The following LARS1 variants were observed in gnomAD, a reference collection of about 807,000 sequenced individuals.
The protein encoded by LARS1 is leucine--tRNA ligase, cytoplasmic.
Under a neutral mutation model 162.8 loss-of-function variants are expected in LARS1, and 100 were observed. The ratio of observed to expected loss-of-function variants is 0.61; its 90% CI spans 0.52 to 0.73. The LOEUF (loss-of-function observed/expected upper bound fraction) is 0.73, where lower values mean the gene tolerates loss of function less well. Ranked by LOEUF, LARS1 falls within the 30% of genes least tolerant of loss-of-function variation. The pLI, the probability that LARS1 is intolerant of heterozygous loss-of-function variation, is 0.00. For synonymous variants in LARS1, 457 were observed against 462.8 expected, an observed-to-expected ratio of 0.99 and a Z score of 0.16; for missense variants, 1,258 against 1,408.9, an observed-to-expected ratio of 0.89 and a Z score of 1.71.
chr5:146,149,293 G>A (rs11948314), intron 15 of LARS1, among the ~76,000 whole-genome samples: 33,826 of 152,028 alleles, frequency 0.22, 4,815 homozygotes, highest in Admixed American at 0.34. Flanking sequence ...AGTTATAACA[G>A]AAACGGAGGG....
chr5:146,134,061 C>T (rs1752406713), intron 22 of LARS1, among the ~76,000 whole-genome samples: 1 of 152,178 alleles, frequency 6.6e-6, no homozygotes, highest in Non-Finnish European at 1.5e-5. Flanking sequence ...TCAGGCTGGT[C>T]TGAAACTCCC....
In LARS1 at chr5:146,152,022, G is replaced by T; in HGVS notation, c.1285-20C>A. 1 of 1,612,974 alleles carries T rather than the reference G, an allele frequency of 6.2e-7. No homozygotes were observed. The highest frequency in any genetic ancestry group is 8.5e-7 in the Non-Finnish European group (1 of 1,179,960). On this transcript the variant is annotated intron_variant, in intron 13 of 31. Transcript: ENST00000394434. The stretch of plus-strand genomic sequence containing the variant: ...TGGCACCTGCAGCAAACAGCAATCA[G>T]GAACGTGTTCACACTGACTGGACAC...
intron 18 of LARS1, among the ~76,000 whole-genome samples, 181 bp downstream of exon 18, chr5:146,144,086 T>C (rs554795404): frequency 6.6e-6 from 1 of 152,306 alleles, no homozygotes; most frequent in East Asian, 1.9e-4. Context: ...AGAGAGGGCA[T>C]ATTTCTACCA....
intron 4 of LARS1, among the ~76,000 whole-genome samples, chr5:146,171,250 G>A (rs2962510): frequency 0.62 from 93,329 of 151,638 alleles, 29,138 homozygotes; most frequent in Middle Eastern, 0.79. Context: ...CCAGCTACTC[G>A]GGAGGTTGAG....
At chr5:146,158,344 C>A (rs1753622830) in intron 8 of LARS1, among the ~76,000 whole-genome samples, 2 of 152,164 alleles carry the variant, frequency 1.3e-5, no homozygotes, top group Non-Finnish European at 2.9e-5. Flanking sequence ...TTTACTGGGT[C>A]TTAAGTCTCT....
intron 1 of LARS1, 128 bp downstream of exon 1, chr5:146,182,360 A>G (rs1754908993): frequency 8.0e-7 from 1 of 1,249,832 alleles, no homozygotes; most frequent in Non-Finnish European, 1.2e-6. Flanking sequence ...AGTCTCTACG[A>G]AAGGCACGCC....
At chr5:146,182,377 G>T in intron 1 of LARS1, 111 bp downstream of exon 1, 1 of 1,415,256 alleles carries the variant, frequency 7.1e-7, no homozygotes, top group Non-Finnish European at 1.0e-6. Flanking sequence ...CGCCTTAAGC[G>T]TGGCTCTCTT....
intron 27 of LARS1, 133 bp from the exon 28 acceptor site, chr5:146,126,678 A>G: frequency 1.7e-6 from 1 of 598,416 alleles, no homozygotes; most frequent in Admixed American, 2.9e-5. Context: ...GTCCAGCCCT[A>G]GCATCACGGG....
At chr5:146,167,476 T>C (rs1754061637) in intron 5 of LARS1, among the ~76,000 whole-genome samples, 1 of 151,958 alleles carries the variant, frequency 6.6e-6, no homozygotes, top group Admixed American at 6.6e-5. Context: ...TGATCTGGGC[T>C]CACTGCAAGC....
rs1257143529 is a variant in LARS1, at chr5:146,140,201, T to C, written c.2148+3A>G. On this transcript the variant is annotated splice_donor_region_variant and intron_variant, in intron 21 of 31. Coordinates refer to ENST00000394434, the MANE Select transcript of LARS1 (RefSeq NM_020117.11). ...TAAACTTTTAAGATGCAATAAGCCTTACCTTCTCAGAGTTCAGGAGGAGAT... is the reference window on the plus strand; with the variant it reads ...TAAACTTTTAAGATGCAATAAGCCTCACCTTCTCAGAGTTCAGGAGGAGAT... 1.2e-6 allele frequency: 2 copies of C among 1,609,904 alleles called. No individual in the cohort carries two copies. The highest frequency in any genetic ancestry group is 3.3e-5 in the Admixed American group (2 of 59,980).
At chr5:146,142,683 G>A in intron 20 of LARS1, 189 bp downstream of exon 20, 1 of 538,466 alleles carries the variant, frequency 1.9e-6, no homozygotes. Flanking sequence ...CCTGGGGTAG[G>A]TATGTGGATT....
chr5:146,133,067 G>A lies in LARS1; in HGVS notation c.2227C>T (p.Leu743=). 6.2e-7 allele frequency: 1 copy of A among 1,611,560 alleles called. No individual in the cohort carries two copies. The part of the protein sequence containing the change: ...KFSADGMRLA[L]ADAGDTVEDA... ...TCTACAGTGTCACCAGCATCAGCCA[G>A]AGCCAAACGCATTCCTGGAAGAAGA... The change falls in exon 23 of 32, where the codon CTG becomes TTG. Residue 743 remains leucine, a synonymous_variant. Transcript: ENST00000394434.
At position 146,171,965 on chromosome 5, in the gene LARS1, T is replaced by G; in HGVS notation, c.239A>C (p.Lys80Thr). The change falls in exon 4 of 32, where the codon AAA becomes ACA. Residue 80 changes from lysine (K) to threonine (T), a missense_variant. Transcript: ENST00000394434. Reference protein sequence around the residue: ...CEFAVGYQRLKGKCCLFPFGL... With the variant: ...CEFAVGYQRLTGKCCLFPFGL... ...AAAGGGAAACAGACAACATTTTCCT[T>G]TCAATCGCTGGTACCCTACAGCAAA... 6.2e-7 allele frequency: 1 copy of G among 1,613,914 alleles called. No homozygotes were observed. Among genetic ancestry groups the G allele is most frequent in the Non-Finnish European group, 8.5e-7 (1 of 1,179,860 alleles).
intron 21 of LARS1, 116 bp downstream of exon 21, chr5:146,140,088 T>C: frequency 1.3e-6 from 1 of 777,136 alleles, no homozygotes. Context: ...ATTACAGGCA[T>C]GAGGCACCAC....
intron 1 of LARS1, 42 bp downstream of exon 1, chr5:146,182,446 C>T: frequency 1.9e-6 from 3 of 1,613,762 alleles, no homozygotes; most frequent in Middle Eastern, 1.7e-4. Context: ...ACTGGCCAGT[C>T]CGGCTCCAGG....
intron 31 of LARS1, among the ~76,000 whole-genome samples, chr5:146,116,987 T>C (rs1339795645): frequency 6.6e-6 from 1 of 152,216 alleles, no homozygotes; most frequent in East Asian, 1.9e-4. Flanking sequence ...TGGTAAAGTA[T>C]CAAGGTTAGA....
intron 31 of LARS1, among the ~76,000 whole-genome samples, chr5:146,114,998 C>T (rs1274045120): frequency 2.7e-5 from 4 of 147,608 alleles, no homozygotes; most frequent in Non-Finnish European, 3.0e-5. Context: ...GAGCCAAGAT[C>T]GCGCCACTGC....
At chr5:146,141,697 G>C (rs1752784707) in intron 20 of LARS1, among the ~76,000 whole-genome samples, 1 of 152,102 alleles carries the variant, frequency 6.6e-6, no homozygotes, top group African/African-American at 2.4e-5. Flanking sequence ...CAGCTACTCG[G>C]AAGTGTGAGG....
chr5:146,169,289 T>C (rs1754154114), intron 4 of LARS1, among the ~76,000 whole-genome samples: 1 of 152,166 alleles, frequency 6.6e-6, no homozygotes, highest in Non-Finnish European at 1.5e-5. Flanking sequence ...CTCTAGCTCT[T>C]ATCAATTATA....
Sources: allele counts gnomAD v4.1 joint callset (sites outside exome capture counted in the v4.1 genomes callset), GRCh38; gene constraint gnomAD v4.1.1; transcripts MANE v1.5; gene names NCBI Gene and HGNC (gene_info 2026-07-23, HGNC 2026-07-21).